TNXB: variants seen among roughly 807,000 people sequenced by gnomAD.
The protein encoded by TNXB is tenascin-X.
In TNXB, 183 loss-of-function variants were observed where a neutral mutation model predicts 340.5. That is an observed-to-expected ratio of 0.54 (90% confidence interval 0.48 to 0.61). The LOEUF is 0.61. TNXB is among the 20% of genes least tolerant of loss of function. TNXB has a pLI of 0.00. For missense variants in TNXB, 4,613 were observed against 5,446.4 expected (o/e 0.85, Z 4.82); for synonymous variants, 2,121 against 2,314.5 (o/e 0.92, Z 2.40).
intron 24 of TNXB, among the ~76,000 whole-genome samples, chr6:32,054,849 C>A (rs1349552533): frequency 6.6e-6 from 1 of 152,214 alleles, no homozygotes; most frequent in Non-Finnish European, 1.5e-5. Flanking sequence ...GCTGGCCTGG[C>A]ACAGTCTGGT....
chr6:32,066,895 C>T (rs552177361), intron 18 of TNXB, among the ~76,000 whole-genome samples: 2 of 152,012 alleles, frequency 1.3e-5, no homozygotes, highest in Non-Finnish European at 2.9e-5. Context: ...CATGGCTAAA[C>T]CCTGTCTCTA....
chr6:32,063,630 C>T (rs570082140), intron 19 of TNXB, among the ~76,000 whole-genome samples: 1 of 152,180 alleles, frequency 6.6e-6, no homozygotes, highest in Non-Finnish European at 1.5e-5. Flanking sequence ...GCAGAGAGAG[C>T]ACCTCCAGTG....
rs1779475898 is a variant in TNXB at position 32,081,920 on chromosome 6, G to T, written c.3736+116C>A. 2.8e-6 allele frequency: 3 copies of T among 1,068,052 alleles called. No individual in the cohort carries two copies. The highest frequency in any genetic ancestry group is 4.0e-6 in the Non-Finnish European group (3 of 742,360). 66.2% of individuals were successfully genotyped at this position (1,068,052 alleles called of 1,614,324 possible). On this transcript the variant is annotated intron_variant, in intron 9 of 43. Transcript: ENST00000644971. The surrounding 1 kb of genome is among the most constrained non-coding windows in gnomAD (Gnocchi z 5.1). ...GGCTGCCCCTCAGCCCTGGAGTGGGGCCGGGAAGCTGGAGTCAGCTGTCTT... is the reference window on the plus strand; with the variant it reads ...GGCTGCCCCTCAGCCCTGGAGTGGGTCCGGGAAGCTGGAGTCAGCTGTCTT...
At chr6:32,050,467 C>T (rs1022763401) in intron 26 of TNXB, 146 bp from the exon 27 acceptor site, 69 of 1,122,228 alleles carry the variant, frequency 6.1e-5, no homozygotes, top group Non-Finnish European at 5.9e-5. Context: ...TCCTCCCCTG[C>T]GGCCTTTCCT....
At chr6:32,092,736 A>T (rs1780136187) in intron 4 of TNXB, among the ~76,000 whole-genome samples, 1 of 152,100 alleles carries the variant, frequency 6.6e-6, no homozygotes, top group African/African-American at 2.4e-5. Context: ...AATAGATGGC[A>T]CTTGCCAAGG....
In TNXB at chr6:32,081,438, C is replaced by T. The variant is rs117635810; in HGVS notation, c.3972G>A (p.Lys1324=). The T allele has an allele frequency of 1.2e-4, 186 of 1,571,814 alleles. 1 individual carries two copies. In the East Asian group the frequency reaches 4.0e-3, roughly 33 times the overall value. ...GAAGCCCGTAGAGGTTCATCTTATACTTCCGGTCGGGATCCAGGCCGGGGA... is the reference window on the plus strand; with the variant it reads ...GAAGCCCGTAGAGGTTCATCTTATATTTCCGGTCGGGATCCAGGCCGGGGA... ...VTVPGLDPDR[K]YKMNLYGLRG... Residue 1324 remains lysine (K), a synonymous_variant, in exon 10 of 44, where the codon AAG becomes AAA. Coordinates refer to ENST00000644971, the MANE Select transcript of TNXB (RefSeq NM_001365276.2). The surrounding 1 kb of genome is among the most constrained non-coding windows in gnomAD (Gnocchi z 5.1).
At chr6:32,065,914 T>C (rs1778309095) in intron 18 of TNXB, among the ~76,000 whole-genome samples, 1 of 152,154 alleles carries the variant, frequency 6.6e-6, no homozygotes, top group African/African-American at 2.4e-5. Context: ...CCTCCCAAAG[T>C]GCTGGGATTA....
In TNXB at chr6:32,064,872, C is replaced by T. The variant is rs1373753165; in HGVS notation, c.6790G>A (p.Gly2264Ser). The T allele has an allele frequency of 8.7e-6, 14 of 1,612,018 alleles. No homozygotes were observed. The highest frequency in any genetic ancestry group is 1.1e-5 in the South Asian group (1 of 91,006). Residue 2264 changes from glycine (G) to serine (S), a missense_variant, in exon 19 of 44, where the codon GGC becomes AGC. By Grantham distance (56) the Gly-to-Ser change is moderately conservative. Coordinates refer to ENST00000644971, the MANE Select transcript of TNXB (RefSeq NM_001365276.2). The surrounding 1 kb of genome is among the most constrained non-coding windows in gnomAD (Gnocchi z 5.3). ...PDHKYKMNLY[G>S]FHGGQRVGPV... ...CCCACGCGCTGGCCACCGTGGAAGC[C>T]GTACAGGTTCATCTTGTACTTGTGG... is the stretch of plus-strand genomic sequence containing the variant.
Position 32,058,447 on chromosome 6 carries a change from C to T in TNXB, c.7493-57G>A. 3.2e-5 allele frequency: 45 copies of T among 1,397,712 alleles called. 1 individual carries two copies. The highest frequency in any genetic ancestry group is 4.3e-5 in the Non-Finnish European group (45 of 1,039,148). The allele number at this position is 1,397,712 out of a possible 1,614,324, so 86.6% of individuals were successfully genotyped here. A position where few individuals can be genotyped will look rare whatever the true frequency, so the allele number is the denominator to read the frequency against. On this transcript the variant is annotated intron_variant, in intron 21 of 43. Coordinates refer to ENST00000644971, the MANE Select transcript of TNXB (RefSeq NM_001365276.2). The surrounding 1 kb of genome is among the most constrained non-coding windows in gnomAD (Gnocchi z 5.1). ...AAGGGTTTAAGGGCAACTTGCTTTG[C>T]TGGTGCTGTCAACAGAGGTCATACA...
At position 32,081,804 on chromosome 6, in the gene TNXB, G is replaced by A; in HGVS notation, c.3737-131C>T. On this transcript the variant is annotated intron_variant, in intron 9 of 43. Coordinates refer to ENST00000644971, the MANE Select transcript of TNXB (RefSeq NM_001365276.2). The surrounding 1 kb of genome is among the most constrained non-coding windows in gnomAD (Gnocchi z 5.1). ...ATTAATTCGAGTGCTAAACTTCTGG[G>A]AAGCCTGACACAGCCAGGGTATGAC... The A allele has an allele frequency of 2.8e-6, 2 of 704,580 alleles. No individual in the cohort carries two copies. The highest frequency in any genetic ancestry group is 4.7e-6 in the Non-Finnish European group (2 of 423,658). The allele number at this position is 704,580 out of a possible 1,614,324, so 43.6% of individuals were successfully genotyped here. A position where few individuals can be genotyped will look rare whatever the true frequency, so the allele number is the denominator to read the frequency against.
rs2127252027 is a variant in TNXB, at chr6:32,080,288, G to A, written c.4043-923C>T. Among the ~76,000 whole-genome samples, 2 of 152,002 alleles carry A rather than the reference G, an allele frequency of 1.3e-5. 1 individual carries two copies. The highest frequency in any genetic ancestry group is 3.9e-4 in the East Asian group (2 of 5,152). ...TGCAGTGGCGCGATCTCGGCTCACT[G>A]CAAGCTCCGCCTCCCGGGTTCACGC... On this transcript the variant is annotated intron_variant, in intron 10 of 43. Coordinates refer to ENST00000644971, the MANE Select transcript of TNXB (RefSeq NM_001365276.2). The surrounding 1 kb of genome is among the most constrained non-coding windows in gnomAD (Gnocchi z 4.3).
At chr6:32,091,615 C>T (rs889827654) in intron 4 of TNXB, among the ~76,000 whole-genome samples, 2 of 151,972 alleles carry the variant, frequency 1.3e-5, no homozygotes, top group African/African-American at 2.4e-5. Flanking sequence ...GCTGGGATTA[C>T]AGGCATACAC....
In TNXB at chr6:32,074,487, C is replaced by T. The variant is rs982514937; in HGVS notation, c.4376-535G>A. ...AACCATCACTGACACCCTGGGAGAG[C>T]GCTGAAATTCCATCTATATGCCAAT... On this transcript the variant is annotated intron_variant, in intron 11 of 43. Coordinates refer to ENST00000644971, the MANE Select transcript of TNXB (RefSeq NM_001365276.2). This position sits in a 1 kb window ranked among gnomAD's most constrained non-coding sequence, Gnocchi z 5.5. Among the ~76,000 whole-genome samples the T allele has an allele frequency of 1.3e-5, 2 of 152,150 alleles. No homozygotes were observed. The highest frequency in any genetic ancestry group is 6.5e-5 in the Admixed American group (1 of 15,284).
At position 32,051,156 on chromosome 6, in the gene TNXB, C is replaced by T. The variant is rs1777262513; in HGVS notation, c.9116-835G>A. Among the ~76,000 whole-genome samples the T allele has an allele frequency of 6.6e-6, 1 of 152,256 alleles. No homozygotes were observed. Among genetic ancestry groups the T allele is most frequent in the African/African-American group, 2.4e-5 (1 of 41,468 alleles). On this transcript the variant is annotated intron_variant, in intron 26 of 43. Coordinates refer to ENST00000644971, the MANE Select transcript of TNXB (RefSeq NM_001365276.2). This position sits in a 1 kb window ranked among gnomAD's most constrained non-coding sequence, Gnocchi z 4.7. ...CTTCACCTTCTCTCTAAAGCTGTCACCAAGCTAAGGCCTGCCTGGCCTCAG... is the reference window on the plus strand; with the variant it reads ...CTTCACCTTCTCTCTAAAGCTGTCATCAAGCTAAGGCCTGCCTGGCCTCAG...
At position 32,042,605 on chromosome 6, in the gene TNXB, A is replaced by C. The variant is rs1562770960; in HGVS notation, c.12060T>G (p.Gly4020=). 6.4e-7 allele frequency: 1 copy of C among 1,562,484 alleles called. No individual in the cohort carries two copies. Among genetic ancestry groups the C allele is most frequent in the Non-Finnish European group, 8.7e-7 (1 of 1,151,900 alleles). The change falls in exon 40 of 44, where the codon GGT becomes GGG. Residue 4020 remains glycine, a splice_region_variant and synonymous_variant. Coordinates refer to ENST00000644971, the MANE Select transcript of TNXB (RefSeq NM_001365276.2). The part of the protein sequence containing the change: ...LPPVSTSFTT[G]GLRIPFPRDC... ...CCCTGGGGAAGGGGATCCGCAGCCC[A>C]CCTGGGAGAGGAGAGCAGGGGCCAG... is the stretch of plus-strand genomic sequence containing the variant.
rs1778687444 is a variant in TNXB at position 32,070,267 on chromosome 6, C to T, written c.5138G>A (p.Gly1713Glu). ...GCCCTCCACGGGCACCACCTGGGGCCCGTCTTTGTCCTTGAACTGGACCAC... is the reference window on the plus strand; with the variant it reads ...GCCCTCCACGGGCACCACCTGGGGCTCGTCTTTGTCCTTGAACTGGACCAC... The part of the protein sequence containing the change: ...SFVVQFKDKD[G>E]PQVVPVEGHE... Residue 1713 changes from glycine (G) to glutamate (E), a missense_variant, in exon 14 of 44, where the codon GGG becomes GAG. Coordinates refer to ENST00000644971, the MANE Select transcript of TNXB (RefSeq NM_001365276.2). The surrounding 1 kb of genome is among the most constrained non-coding windows in gnomAD (Gnocchi z 6.0). 1 of 1,612,756 alleles carries T rather than the reference C, an allele frequency of 6.2e-7. No homozygotes were observed. The highest frequency in any genetic ancestry group is 1.3e-5 in the African/African-American group (1 of 74,842).
At chr6:32,078,047 AAG>A (rs1243925573) in intron 11 of TNXB, among the ~76,000 whole-genome samples, 1 of 147,724 alleles carries the variant, frequency 6.8e-6, no homozygotes, top group African/African-American at 2.5e-5. Flanking sequence ...AAAAGAAAGA[AAG>A]AGAGAGAGAG....
intron 19 of TNXB, among the ~76,000 whole-genome samples, chr6:32,063,145 T>C (rs1254104100): frequency 6.6e-6 from 1 of 152,066 alleles, no homozygotes; most frequent in African/African-American, 2.4e-5. Flanking sequence ...CCCAGCACTT[T>C]GGGAGGCCGA....
In TNXB at chr6:32,072,679, A is replaced by C. The variant is rs559228680; in HGVS notation, c.4682-381T>G. On this transcript the variant is annotated intron_variant, in intron 12 of 43. Transcript: ENST00000644971. This position sits in a 1 kb window ranked among gnomAD's most constrained non-coding sequence, Gnocchi z 4.4. ...AAATCGTAACTTTGGATTTTTAAGA[A>C]ATATTTTGGGCCGGGTGCAGTGGCT... is the stretch of plus-strand genomic sequence containing the variant. Among the ~76,000 whole-genome samples the C allele has an allele frequency of 2.0e-5, 3 of 152,360 alleles. No individual in the cohort carries two copies. The highest frequency in any genetic ancestry group is 4.1e-4 in the South Asian group (2 of 4,830).
Sources: allele counts gnomAD v4.1 joint callset (sites outside exome capture counted in the v4.1 genomes callset), GRCh38; gene constraint gnomAD v4.1.1; non-coding constraint Gnocchi (gnomAD v3.1); transcripts MANE v1.5; gene names NCBI Gene and HGNC (gene_info 2026-07-23, HGNC 2026-07-21).